C14orf93: variants seen among roughly 807,000 people sequenced by gnomAD.
C14orf93 encodes chromosome 14 open reading frame 93.
In C14orf93, 23 loss-of-function variants were observed where a neutral mutation model predicts 44.0. The ratio of observed to expected loss-of-function variants is 0.52; its 90% CI spans 0.38 to 0.74. The LOEUF (loss-of-function observed/expected upper bound fraction) is 0.74. Ranked by LOEUF, C14orf93 falls within the 30% of genes least tolerant of loss-of-function variation. The pLI is 0.00. For missense variants in C14orf93, 579 were observed against 678.9 expected (o/e 0.85, Z 1.64); for synonymous variants, 253 against 265.7 (o/e 0.95, Z 0.46).
chr14:22,987,160 C>T lies in C14orf93; in HGVS notation c.*55G>A, dbSNP rs912563809. 1.3e-6 allele frequency: 2 copies of T among 1,508,524 alleles called. No homozygotes were observed. Among genetic ancestry groups the T allele is most frequent in the East Asian group, 4.7e-5 (2 of 42,418 alleles). 93.4% of individuals were successfully genotyped at this position (1,508,524 alleles called of 1,614,324 possible). A position where few individuals can be genotyped will look rare whatever the true frequency, so the allele number is the denominator to read the frequency against. On this transcript the variant is annotated 3_prime_UTR_variant, in exon 7 of 7. Coordinates refer to ENST00000299088, the MANE Select transcript of C14orf93 (RefSeq NM_021944.4). The surrounding 1 kb of genome is among the most constrained non-coding windows in gnomAD (Gnocchi z 5.6). ...TTATTTTGTGAAGCCCCATGGCCAC[C>T]TATTTCTGAGACATGGGGCATGGCG... is the stretch of plus-strand genomic sequence containing the variant.
chr14:22,986,077 G>T lies in C14orf93; in HGVS notation c.*1138C>A, dbSNP rs993235818. The T allele has an allele frequency of 3.3e-5, 5 of 152,302 alleles. No homozygotes were observed. Among genetic ancestry groups the T allele is most frequent in the African/African-American group, 9.6e-5 (4 of 41,460 alleles). 9.4% of individuals were successfully genotyped at this position (152,302 alleles called of 1,614,324 possible). On this transcript the variant is annotated 3_prime_UTR_variant, in exon 7 of 7. Transcript: ENST00000299088. Reference sequence around the variant, plus strand: ...AAAGTCTGCAGTAGAACTGGACCTTGTCTGTACTCTCTCTTGCCCCTGGAC... The same window carrying T: ...AAAGTCTGCAGTAGAACTGGACCTTTTCTGTACTCTCTCTTGCCCCTGGAC...
chr14:22,995,702 AAG>A, intron 3 of C14orf93, among the ~76,000 whole-genome samples: 3 of 151,212 alleles, frequency 2.0e-5, no homozygotes, highest in Non-Finnish European at 4.4e-5. Flanking sequence ...AAAAAAAAAA[AAG>A]AACACCAGGA....
chr14:22,986,181 C>T lies in C14orf93; in HGVS notation c.*1034G>A, dbSNP rs1275332031. On this transcript the variant is annotated 3_prime_UTR_variant, in exon 7 of 7. Transcript: ENST00000299088. The stretch of plus-strand genomic sequence containing the variant: ...CTGGTTAACTCTTCCCCAGTTTAGA[C>T]ATTACACCCTCTCAGAAGAAGCCTT... 6.6e-6 allele frequency: 1 copy of T among 152,264 alleles called. No homozygotes were observed. Among genetic ancestry groups the T allele is most frequent in the African/African-American group, 2.4e-5 (1 of 41,450 alleles). 9.4% of individuals were successfully genotyped at this position (152,264 alleles called of 1,614,324 possible).
At chr14:23,003,109 G>GT (rs2046393872) in intron 1 of C14orf93, among the ~76,000 whole-genome samples, 1 of 152,128 alleles carries the variant, frequency 6.6e-6, no homozygotes, top group South Asian at 2.1e-4. Flanking sequence ...TTTTCCTATT[G>GT]TGAGTTCAAT....
Position 22,998,916 on chromosome 14 carries a change from C to T in C14orf93, c.108G>A (p.Gln36=). ...GGGTGCTGGGAGGAGGATTCCCACCCTGGGAGCCTGTGTTGCCTCCATTAG... is the reference window on the plus strand; with the variant it reads ...GGGTGCTGGGAGGAGGATTCCCACCTTGGGAGCCTGTGTTGCCTCCATTAG... ...SETNGGNTGS[Q]GGNPPPSTPI... Residue 36 remains glutamine, a synonymous_variant, in exon 2 of 7, where the codon CAG becomes CAA. Coordinates refer to ENST00000299088, the MANE Select transcript of C14orf93 (RefSeq NM_021944.4). 1 of 1,614,116 alleles carries T rather than the reference C, an allele frequency of 6.2e-7. No homozygotes were observed. The highest frequency in any genetic ancestry group is 2.2e-5 in the East Asian group (1 of 44,874).
At position 22,987,185 on chromosome 14, in the gene C14orf93, G is replaced by A. The variant is rs372646280; in HGVS notation, c.*30C>T. Reference sequence around the variant, plus strand: ...CTATTTCTGAGACATGGGGCATGGCGGAAGCCAGAGTTATTCTTGGCTGTA... The same window carrying A: ...CTATTTCTGAGACATGGGGCATGGCAGAAGCCAGAGTTATTCTTGGCTGTA... On this transcript the variant is annotated 3_prime_UTR_variant, in exon 7 of 7. Transcript: ENST00000299088. The surrounding 1 kb of genome is among the most constrained non-coding windows in gnomAD (Gnocchi z 5.6). 92 of 1,568,990 alleles carry A rather than the reference G, an allele frequency of 5.9e-5. No individual in the cohort carries two copies. Among genetic ancestry groups the A allele is most frequent in the Non-Finnish European group, 7.4e-5 (85 of 1,153,614 alleles).
chr14:22,998,091 G>T, intron 2 of C14orf93: 1 of 265,098 alleles, frequency 3.8e-6, no homozygotes, highest in Non-Finnish European at 7.1e-6. Flanking sequence ...TGAATGAGCC[G>T]TCTGTGCACG....
At chr14:23,004,978 T>C (rs749708913) in intron 1 of C14orf93, 1 of 152,142 alleles carries the variant, frequency 6.6e-6, no homozygotes, top group Non-Finnish European at 1.5e-5. Flanking sequence ...CCTAATAATA[T>C]GGTATAGACT....
At chr14:23,001,855 A>G (rs964597861) in intron 1 of C14orf93, among the ~76,000 whole-genome samples, 1 of 148,790 alleles carries the variant, frequency 6.7e-6, no homozygotes, top group Admixed American at 6.7e-5. Flanking sequence ...AAAAAAAAAA[A>G]AAAAAAAAAA....
chr14:23,000,666 A>AG (rs1471565196), intron 1 of C14orf93, among the ~76,000 whole-genome samples: 5 of 145,158 alleles, frequency 3.4e-5, no homozygotes, highest in Non-Finnish European at 7.5e-5. Context: ...CAGTGAGCCG[A>AG]GATGGTGCCA....
rs1302963539 is a variant in C14orf93 at position 22,987,225 on chromosome 14, T to C, written c.1607A>G (p.Lys536Arg). 5 of 1,611,026 alleles carry C rather than the reference T, an allele frequency of 3.1e-6. No homozygotes were observed. The highest frequency in any genetic ancestry group is 4.2e-6 in the Non-Finnish European group (5 of 1,177,836). The change falls in exon 7 of 7, where the codon AAG (lysine) becomes AGG (arginine). Residue 536 changes from lysine to arginine, a missense_variant. Physicochemically the swap from Lys to Arg is conservative, Grantham distance 26. Transcript: ENST00000299088. This position sits in a 1 kb window ranked among gnomAD's most constrained non-coding sequence, Gnocchi z 5.6. ...TCTTGGCTGTAGATTTTATTCATCCTTTTCCACCTTGATTTCAATGAATGA... is the reference window on the plus strand; with the variant it reads ...TCTTGGCTGTAGATTTTATTCATCCCTTTCCACCTTGATTTCAATGAATGA... ...LNSFIEIKVE[K>R]DE
At position 22,998,592 on chromosome 14, in the gene C14orf93, C is replaced by T. The variant is rs758724159; in HGVS notation, c.432G>A (p.Glu144=). The T allele has an allele frequency of 6.2e-7, 1 of 1,614,108 alleles. No homozygotes were observed. Among genetic ancestry groups the T allele is most frequent in the African/African-American group, 1.3e-5 (1 of 74,932 alleles). Residue 144 remains glutamate, a synonymous_variant, in exon 2 of 7, where the codon GAG becomes GAA. Coordinates refer to ENST00000299088, the MANE Select transcript of C14orf93 (RefSeq NM_021944.4). ...GCACGCCGCTGCCCACGCTGTCACA[C>T]TCCTCTTCCACGGCAGACAGAGCCT... is the stretch of plus-strand genomic sequence containing the variant. The part of the protein sequence containing the change: ...AFKALSAVEE[E]CDSVGSGVQV...
At chr14:23,004,783 T>TG (rs939956714) in intron 1 of C14orf93, among the ~76,000 whole-genome samples, 1 of 152,046 alleles carries the variant, frequency 6.6e-6, no homozygotes, top group Admixed American at 6.5e-5. Flanking sequence ...CTGGGTGTGG[T>TG]GGCACATGCC....
At chr14:22,992,325 G>A (rs1432074447) in intron 3 of C14orf93, among the ~76,000 whole-genome samples, 1 of 151,778 alleles carries the variant, frequency 6.6e-6, no homozygotes, top group Non-Finnish European at 1.5e-5. Context: ...AATTAGCCAG[G>A]CGTGGTGGCG....
At chr14:23,004,040 G>A (rs1420584760) in intron 1 of C14orf93, among the ~76,000 whole-genome samples, 2 of 142,398 alleles carry the variant, frequency 1.4e-5, no homozygotes, top group African/African-American at 2.6e-5. Context: ...CTCCAGAGTC[G>A]CTGGGACTAC....
In C14orf93 at chr14:22,988,020, C is replaced by A. The variant is rs111774191; in HGVS notation, c.1085-5G>T. On this transcript the variant is annotated splice_polypyrimidine_tract_variant and splice_region_variant and intron_variant, in intron 5 of 6. Transcript: ENST00000299088. ...GGAAGTAGGCCACACAGGCTCCTGG[C>A]GGGGAGGGAAGGAAGGGAGCAAGAA... 1.2e-6 allele frequency: 2 copies of A among 1,603,678 alleles called. No homozygotes were observed. The highest frequency in any genetic ancestry group is 1.7e-5 in the Admixed American group (1 of 59,852).
rs761220962 is a variant in C14orf93, at chr14:22,999,065, G to C, written c.-42C>G. The C allele has an allele frequency of 3.2e-6, 5 of 1,551,524 alleles. No homozygotes were observed. The highest frequency in any genetic ancestry group is 4.3e-6 in the Non-Finnish European group (5 of 1,152,034). Reference sequence around the variant, plus strand: ...ACAACCACGCTTACACTGCTGGGCCGCTCCAACAGGTAGGAAGCATCAACT... The same window carrying C: ...ACAACCACGCTTACACTGCTGGGCCCCTCCAACAGGTAGGAAGCATCAACT... On this transcript the variant is annotated 5_prime_UTR_variant, in exon 2 of 7. Transcript: ENST00000299088.
chr14:23,006,028 A>T (rs2046605413), intron 1 of C14orf93: 1 of 152,210 alleles, frequency 6.6e-6, no homozygotes, highest in African/African-American at 2.4e-5. Context: ...ATATGGTATC[A>T]CTCAGATGAT....
At chr14:22,990,509 G>A (rs895940720) in intron 3 of C14orf93, among the ~76,000 whole-genome samples, 6 of 149,786 alleles carry the variant, frequency 4.0e-5, no homozygotes, top group African/African-American at 1.5e-4. Context: ...TTGCTCTGTC[G>A]CCCAGGCTAG....
Sources: gnomAD v4.1 joint callset for allele counts (sites outside exome capture counted in the v4.1 genomes callset) on GRCh38, gnomAD v4.1.1 for gene constraint, Gnocchi (gnomAD v3.1) non-coding constraint, MANE v1.5 for transcripts, NCBI Gene and HGNC (gene_info 2026-07-23, HGNC 2026-07-21) for gene names.